The following NIBAN2 variants were observed in gnomAD, a reference collection of about 807,000 sequenced individuals.
NIBAN2 encodes protein Niban 2.
NIBAN2 carries 36 observed loss-of-function variants against 81.8 expected under a neutral mutation model. That is an observed-to-expected ratio of 0.44 (90% CI 0.34 to 0.58). The LOEUF (loss-of-function observed/expected upper bound fraction) is 0.58, where lower values mean the gene tolerates loss of function less well. NIBAN2 is among the 20% of genes least tolerant of loss of function. NIBAN2 has a pLI of 0.02. For synonymous variants in NIBAN2, 445 were observed against 441.6 expected (o/e 1.01, Z -0.10); for missense variants, 897 against 1,014.1 (o/e 0.88, Z 1.57).
In NIBAN2 at chr9:127,507,668, C is replaced by G. The variant is rs552743449; in HGVS notation, c.1654+199G>C. On this transcript the variant is annotated intron_variant, in intron 13 of 13. Transcript: ENST00000373312. The surrounding 1 kb of genome is among the most constrained non-coding windows in gnomAD (Gnocchi z 6.8). ...GACCCTCCCAGCAAAGCCAAGGACGCGAGAAGAAACTAAAGCACAGAGACG... is the reference window on the plus strand; with the variant it reads ...GACCCTCCCAGCAAAGCCAAGGACGGGAGAAGAAACTAAAGCACAGAGACG... 6.6e-6 allele frequency among the ~76,000 whole-genome samples: 1 copy of G among 152,194 alleles called. No individual in the cohort carries two copies. The highest frequency in any genetic ancestry group is 1.5e-5 in the Non-Finnish European group (1 of 68,036).
In NIBAN2 at chr9:127,568,854, C is replaced by T; in HGVS notation, c.21G>A (p.Thr7=). The T allele has an allele frequency of 7.3e-7, 1 of 1,367,016 alleles. No homozygotes were observed. The highest frequency in any genetic ancestry group is 9.5e-7 in the Non-Finnish European group (1 of 1,055,204). The allele number at this position is 1,367,016 out of a possible 1,614,324, so 84.7% of individuals were successfully genotyped here. ...GCTGGCGCCGGGCGTCGTCCAGGTGCGTGGACAGCACGTCCCCCATGGCCA... is the reference window on the plus strand; with the variant it reads ...GCTGGCGCCGGGCGTCGTCCAGGTGTGTGGACAGCACGTCCCCCATGGCCA... MGDVLS[T]HLDDARRQHI... is the part of the protein sequence containing the mutation. The change falls in exon 1 of 14, where the codon ACG becomes ACA. Residue 7 remains threonine, a synonymous_variant. Transcript: ENST00000373312.
Position 127,540,996 on chromosome 9 carries a change from A to G in NIBAN2, c.56-9218T>C, listed in dbSNP as rs59459022. ...CCTGCCCGCCTGGTTCCCAGGGCAT[A>G]GGGAGCAGGTCCAGCATGGGGAGGT... On this transcript the variant is annotated intron_variant, in intron 1 of 13. Coordinates refer to ENST00000373312, the MANE Select transcript of NIBAN2 (RefSeq NM_022833.4). 3.3e-3 allele frequency among the ~76,000 whole-genome samples: 500 copies of G among 152,332 alleles called. 1 individual carries two copies. Among genetic ancestry groups the G allele is most frequent in the African/African-American group, 0.011 (469 of 41,588 alleles).
chr9:127,558,378 G>A (rs1265265032), intron 1 of NIBAN2, among the ~76,000 whole-genome samples: 1 of 152,158 alleles, frequency 6.6e-6, no homozygotes, highest in African/African-American at 2.4e-5. Flanking sequence ...GCTTCATGCT[G>A]GGGTCAAGGC....
chr9:127,542,675 G>A (rs1412936032), intron 1 of NIBAN2, among the ~76,000 whole-genome samples: 2 of 152,172 alleles, frequency 1.3e-5, no homozygotes, highest in African/African-American at 4.8e-5. Context: ...GCTGGCCTCA[G>A]GTGCCCTGAA....
rs545617377 is a variant in NIBAN2, at chr9:127,537,139, G to A, written c.56-5361C>T. On this transcript the variant is annotated intron_variant, in intron 1 of 13. Coordinates refer to ENST00000373312, the MANE Select transcript of NIBAN2 (RefSeq NM_022833.4). ...CAGAGCCTGCCCTGCGGCCCCAGGTGCCCAGCCTCCTGGTGAGGAGCTTGA... is the reference window on the plus strand; with the variant it reads ...CAGAGCCTGCCCTGCGGCCCCAGGTACCCAGCCTCCTGGTGAGGAGCTTGA... 9.7e-4 allele frequency among the ~76,000 whole-genome samples: 148 copies of A among 152,320 alleles called. 1 individual carries two copies. The highest frequency in any genetic ancestry group is 3.5e-3 in the African/African-American group (145 of 41,580).
chr9:127,554,548 CTTTTTT>C (rs1230242603), intron 1 of NIBAN2, among the ~76,000 whole-genome samples: 1 of 103,692 alleles, frequency 9.6e-6, no homozygotes, highest in South Asian at 3.6e-4. Flanking sequence ...TTTTCTTTTT[CTTTTTT>C]TTTTTTTTTT....
At chr9:127,554,915 T>C (rs1837640998) in intron 1 of NIBAN2, among the ~76,000 whole-genome samples, 2 of 152,084 alleles carry the variant, frequency 1.3e-5, no homozygotes, top group African/African-American at 4.8e-5. Flanking sequence ...TTCTTTTTGA[T>C]TTAATCCACT....
intron 1 of NIBAN2, among the ~76,000 whole-genome samples, chr9:127,542,014 G>A (rs919133712): frequency 2.6e-5 from 4 of 152,022 alleles, no homozygotes; most frequent in Non-Finnish European, 4.4e-5. Context: ...GGCCACTCCC[G>A]TCCTGTGCCC....
intron 2 of NIBAN2, among the ~76,000 whole-genome samples, chr9:127,529,498 G>A (rs1837139477): frequency 1.3e-5 from 2 of 152,184 alleles, no homozygotes; most frequent in African/African-American, 2.4e-5. Flanking sequence ...AAATTAGCGG[G>A]GTGTGGTGGT....
intron 8 of NIBAN2, among the ~76,000 whole-genome samples, chr9:127,512,332 C>A (rs1188291656): frequency 2.0e-5 from 3 of 147,366 alleles, no homozygotes; most frequent in East Asian, 3.9e-4. Context: ...GTTGACCAGG[C>A]TGGAGTATAG....
At chr9:127,569,324 G>C (rs1837917884), upstream of NIBAN2, among the ~76,000 whole-genome samples, 1 of 151,114 alleles carries the variant, frequency 6.6e-6, no homozygotes, top group African/African-American at 2.4e-5. Context: ...TGGACGCCGG[G>C]ACCGCCCTGG....
At chr9:127,512,078 C>T (rs1186811763) in intron 8 of NIBAN2, among the ~76,000 whole-genome samples, 1 of 152,178 alleles carries the variant, frequency 6.6e-6, no homozygotes, top group Non-Finnish European at 1.5e-5. Flanking sequence ...AGCAAACCCA[C>T]CTCCCGTTCT....
At chr9:127,550,856 C>T (rs1214435779) in intron 1 of NIBAN2, among the ~76,000 whole-genome samples, 2 of 152,208 alleles carry the variant, frequency 1.3e-5, no homozygotes, top group Non-Finnish European at 2.9e-5. Flanking sequence ...CTCAGATCCT[C>T]CGCGTCCTCT....
intron 9 of NIBAN2, 24 bp downstream of exon 9, chr9:127,510,122 T>A: frequency 6.3e-7 from 1 of 1,589,630 alleles, no homozygotes; most frequent in Non-Finnish European, 8.6e-7. Flanking sequence ...GGAGACCCCC[T>A]CCTAGGGGCG....
At position 127,510,299 on chromosome 9, in the gene NIBAN2, C is replaced by T. The variant is rs1245204421; in HGVS notation, c.1008G>A (p.Arg336=). The T allele has an allele frequency of 3.1e-6, 5 of 1,613,592 alleles. No individual in the cohort carries two copies. In the African/African-American group the frequency reaches 6.7e-5, roughly 22 times the overall value. Reference sequence around the variant, plus strand: ...ATGGGATGTAGGGCTGGACATGGTTCCGCACGCACACCTCTGCCTTGGGGA... The same window carrying T: ...ATGGGATGTAGGGCTGGACATGGTTTCGCACGCACACCTCTGCCTTGGGGA... ...FILPKAEVCV[R]NHVQPYIPSI... Residue 336 remains arginine, a synonymous_variant, in exon 9 of 14, where the codon CGG becomes CGA. Transcript: ENST00000373312.
Position 127,507,953 on chromosome 9 carries a change from A to C in NIBAN2, c.1568T>G (p.Ile523Ser). 6.2e-7 allele frequency: 1 copy of C among 1,614,144 alleles called. No individual in the cohort carries two copies. ...GATGAACCTGGCAAAGTCCTCGAAG[A>C]TCAGCTCCTGGAACCGGGGCAGCTC... Reference protein sequence around the residue: ...KSELPRFQELIFEDFARFILV... With the variant: ...KSELPRFQELSFEDFARFILV... Residue 523 changes from isoleucine (I) to serine (S), a missense_variant, in exon 13 of 14, where the codon ATC becomes AGC. Transcript: ENST00000373312. The surrounding 1 kb of genome is among the most constrained non-coding windows in gnomAD (Gnocchi z 6.8).
rs75708965 is a variant in NIBAN2, at chr9:127,527,994, G to A, written c.187-672C>T. 2.7e-3 allele frequency among the ~76,000 whole-genome samples: 414 copies of A among 152,308 alleles called. 12 individuals carry two copies. The East Asian group carries it at 0.046, about 17-fold the overall frequency. On this transcript the variant is annotated intron_variant, in intron 2 of 13. Transcript: ENST00000373312. ...ACCTACATGGGCTGCAGAAACGCCC[G>A]GACCTTCCTACAAAGCCCTAGCTCT...
At chr9:127,521,912 A>G (rs933139544) in intron 5 of NIBAN2, among the ~76,000 whole-genome samples, 1 of 152,026 alleles carries the variant, frequency 6.6e-6, no homozygotes, top group African/African-American at 2.4e-5. Context: ...TCTCAAGCTC[A>G]AGTTTATCAT....
intron 1 of NIBAN2, chr9:127,561,395 A>C (rs1473415830): frequency 1.8e-6 from 1 of 548,512 alleles, no homozygotes; most frequent in African/African-American, 2.1e-5. Flanking sequence ...TAAAGTCACA[A>C]TCATAACAGC....
Sources: allele counts gnomAD v4.1 joint callset (sites outside exome capture counted in the v4.1 genomes callset), GRCh38; gene constraint gnomAD v4.1.1; non-coding constraint Gnocchi (gnomAD v3.1); transcripts MANE v1.5; gene names NCBI Gene and HGNC (gene_info 2026-07-23, HGNC 2026-07-21).